The following CSTPP1 variants were observed in gnomAD, a reference collection of about 807,000 sequenced individuals.
The protein encoded by CSTPP1 is centriolar satellite-associated tubulin polyglutamylase complex regulator 1, also known as UPF0705 protein C11orf49.
the CSTPP1 span, among the ~76,000 whole-genome samples, chr11:47,064,411 T>G: frequency 6.6e-6 from 1 of 152,176 alleles, no homozygotes; most frequent in African/African-American, 2.4e-5. Flanking sequence ...GTCATGGAGA[T>G]TTCCCCTATG....
At chr11:47,109,547 C>T in the CSTPP1 span, among the ~76,000 whole-genome samples, 22 of 152,344 alleles carry the variant, frequency 1.4e-4, no homozygotes, top group Non-Finnish European at 2.9e-4. Flanking sequence ...CTCTGCTTCA[C>T]TGCTGGTTGC....
the CSTPP1 span, chr11:47,155,525 T>A: frequency 1.8e-6 from 1 of 544,378 alleles, no homozygotes; most frequent in Non-Finnish European, 3.3e-6. Context: ...TCAGTTTAAG[T>A]GATAATGACA....
At chr11:47,071,914 C>A in the CSTPP1 span, among the ~76,000 whole-genome samples, 1 of 152,078 alleles carries the variant, frequency 6.6e-6, no homozygotes, top group Non-Finnish European at 1.5e-5. Flanking sequence ...CACACACTTC[C>A]CCTGCAGGCA....
At chr11:47,001,510 T>A in the CSTPP1 span, among the ~76,000 whole-genome samples, 9 of 151,788 alleles carry the variant, frequency 5.9e-5, no homozygotes, top group African/African-American at 2.2e-4. Context: ...GCATACCCGT[T>A]TTTTTTTTCT....
chr11:47,113,612 A>AT, the CSTPP1 span, among the ~76,000 whole-genome samples: 1 of 152,076 alleles, frequency 6.6e-6, no homozygotes, highest in Non-Finnish European at 1.5e-5. Context: ...GATGATGAGC[A>AT]TTTTTTCACA....
the CSTPP1 span, chr11:47,052,571 C>A: frequency 6.3e-7 from 1 of 1,580,528 alleles, no homozygotes; most frequent in Admixed American, 1.7e-5. Context: ...TCCTTTCTTC[C>A]TTCCTTCCTT....
chr11:47,161,781 G>T, the CSTPP1 span: 12 of 1,420,584 alleles, frequency 8.4e-6, no homozygotes, highest in Non-Finnish European at 1.1e-5. Flanking sequence ...ACCAGCCAGA[G>T]GGGCTCTGAT....
At chr11:47,120,357 A>C in the CSTPP1 span, among the ~76,000 whole-genome samples, 8 of 152,176 alleles carry the variant, frequency 5.3e-5, no homozygotes, top group Non-Finnish European at 1.2e-4. The surrounding 1 kb of genome is among the most constrained non-coding windows in gnomAD (Gnocchi z 4.2). Context: ...GGGACCTTGG[A>C]ACCCTGCCTT....
the CSTPP1 span, among the ~76,000 whole-genome samples, chr11:47,075,174 C>T: frequency 3.6e-4 from 55 of 152,106 alleles, no homozygotes; most frequent in Non-Finnish European, 7.1e-4. Context: ...GAGTTCGAGA[C>T]CAGCTTGGCC....
At chr11:47,112,882 G>A in the CSTPP1 span, among the ~76,000 whole-genome samples, 1 of 152,052 alleles carries the variant, frequency 6.6e-6, no homozygotes, top group African/African-American at 2.4e-5. Flanking sequence ...GGGTACATGT[G>A]CACAATCTGC....
the CSTPP1 span, among the ~76,000 whole-genome samples, chr11:47,154,180 A>G: frequency 6.6e-6 from 1 of 151,728 alleles, no homozygotes; most frequent in Non-Finnish European, 1.5e-5. Context: ...CAAATGATTC[A>G]CCCATCTCGG....
chr11:46,936,796 C>T, the CSTPP1 span: 8 of 1,610,406 alleles, frequency 5.0e-6, no homozygotes, highest in Admixed American at 1.7e-5. Flanking sequence ...GAAGCCACCC[C>T]GGTCAAAGGA....
chr11:47,147,577 G>C, the CSTPP1 span, among the ~76,000 whole-genome samples: 2 of 152,092 alleles, frequency 1.3e-5, no homozygotes, highest in African/African-American at 4.8e-5. Flanking sequence ...GTCCTTCTGC[G>C]GGCAGCTGCT....
At chr11:47,068,531 C>CA in the CSTPP1 span, among the ~76,000 whole-genome samples, 2 of 151,246 alleles carry the variant, frequency 1.3e-5, no homozygotes, top group Non-Finnish European at 2.9e-5. Flanking sequence ...GACTCCATCT[C>CA]AAAAAAAAGA....
At chr11:47,066,085 C>T in the CSTPP1 span, among the ~76,000 whole-genome samples, 9 of 122,964 alleles carry the variant, frequency 7.3e-5, no homozygotes, top group African/African-American at 2.8e-4. Flanking sequence ...AATTTGGATG[C>T]CTTGTGGGTT....
the CSTPP1 span, among the ~76,000 whole-genome samples, chr11:47,147,901 A>C: frequency 6.6e-6 from 1 of 152,156 alleles, no homozygotes; most frequent in African/African-American, 2.4e-5. Flanking sequence ...CTTGGTGAAT[A>C]TTCACTATTA....
At chr11:46,984,803 A>G in the CSTPP1 span, among the ~76,000 whole-genome samples, 1 of 152,104 alleles carries the variant, frequency 6.6e-6, no homozygotes, top group Non-Finnish European at 1.5e-5. Flanking sequence ...AAAAGGCCAT[A>G]TAGCCTAAGG....
chr11:46,987,149 A>G, the CSTPP1 span: 2 of 1,528,408 alleles, frequency 1.3e-6, no homozygotes, highest in Non-Finnish European at 1.8e-6. Flanking sequence ...TAGGATTGGG[A>G]TCATTCTTTT....
chr11:47,110,499 G>A, the CSTPP1 span, among the ~76,000 whole-genome samples: 2 of 152,168 alleles, frequency 1.3e-5, no homozygotes, highest in Admixed American at 6.5e-5. Flanking sequence ...ATATCGAGTC[G>A]CTCTTCATTT....
Sources: allele counts gnomAD v4.1 joint callset (sites outside exome capture counted in the v4.1 genomes callset), GRCh38; gene constraint gnomAD v4.1.1; non-coding constraint Gnocchi (gnomAD v3.1); transcripts MANE v1.5; gene names NCBI Gene and HGNC (gene_info 2026-07-23, HGNC 2026-07-21).